Variants in PPARG observed in about 807,000 individuals in gnomAD.
The protein encoded by PPARG is peroxisome proliferator-activated receptor gamma.
A neutral mutation model predicts 39.2 loss-of-function variants in PPARG; 17 were observed. The ratio of observed to expected loss-of-function variants is 0.43; its 90% confidence interval spans 0.30 to 0.65. The LOEUF (loss-of-function observed/expected upper bound fraction) is 0.65. PPARG is among the 30% of genes least tolerant of loss of function. The pLI, the probability that PPARG is intolerant of heterozygous loss-of-function variation, is 0.13. For synonymous variants in PPARG, 223 were observed against 215.7 expected (o/e 1.03, Z -0.30); for missense variants, 406 against 585.9 (o/e 0.69, Z 3.17).
chr3:12,417,988 C>T (rs1373131914), intron 7 of PPARG, among the ~76,000 whole-genome samples: 1 of 140,918 alleles, frequency 7.1e-6, no homozygotes, highest in African/African-American at 2.7e-5. Flanking sequence ...TAGCTCACTG[C>T]AGCTTCTAAC....
intron 6 of PPARG, among the ~76,000 whole-genome samples, chr3:12,414,929 G>A (rs542903876): frequency 4.6e-5 from 7 of 152,244 alleles, no homozygotes; most frequent in African/African-American, 1.7e-4. Flanking sequence ...TTGATGTGAC[G>A]TACAAGTTTG....
intron 2 of PPARG, among the ~76,000 whole-genome samples, chr3:12,352,084 C>G (rs1027090129): frequency 3.3e-5 from 5 of 152,154 alleles, no homozygotes; most frequent in African/African-American, 1.2e-4. Context: ...ATCCCTCTTG[C>G]AGCACTTTTA....
At chr3:12,294,412 TTATATCTTGTATTTCC>T (rs2046725571) in intron 1 of PPARG, among the ~76,000 whole-genome samples, 1 of 152,230 alleles carries the variant, frequency 6.6e-6, no homozygotes, top group African/African-American at 2.4e-5. Context: ...TATCACTTCA[TTATATCTTGTATTTCC>T]TCTGTGATGT....
intron 2 of PPARG, among the ~76,000 whole-genome samples, chr3:12,353,336 G>T (rs554815458): frequency 1.3e-5 from 2 of 152,260 alleles, no homozygotes; most frequent in Middle Eastern, 3.4e-3. Context: ...TGTTAAAAAT[G>T]TGAGCTCCTA....
chr3:12,305,426 G>C lies in PPARG; in HGVS notation c.-82-6954G>C, dbSNP rs577594076. Among the ~76,000 whole-genome samples the C allele has an allele frequency of 2.0e-5, 3 of 152,246 alleles. No homozygotes were observed. In the South Asian group the frequency reaches 6.2e-4, roughly 32 times the overall value. ...TCACTAATCTTCAAATTGGTAGAAG[G>C]AGGTCAGTAGACTTTGACTCATAAA... On this transcript the variant is annotated intron_variant, in intron 1 of 7. Coordinates refer to ENST00000651735, the MANE Select transcript of PPARG (RefSeq NM_138711.6).
intron 2 of PPARG, among the ~76,000 whole-genome samples, chr3:12,345,169 A>G (rs1400098357): frequency 1.3e-5 from 2 of 152,206 alleles, no homozygotes; most frequent in African/African-American, 2.4e-5. Flanking sequence ...AACTTTGTCA[A>G]TAGAAACAAA....
intron 1 of PPARG, among the ~76,000 whole-genome samples, chr3:12,299,982 A>T (rs966435337): frequency 6.6e-6 from 1 of 152,190 alleles, no homozygotes; most frequent in Admixed American, 6.5e-5. Flanking sequence ...TTACTATTTC[A>T]GTTCTGTTTT....
chr3:12,340,595 C>A (rs528622858), intron 2 of PPARG, among the ~76,000 whole-genome samples: 2 of 152,138 alleles, frequency 1.3e-5, no homozygotes, highest in East Asian at 1.9e-4. Flanking sequence ...TAACATCTTA[C>A]TTCCTAGAGG....
In PPARG at chr3:12,433,938, T is replaced by A; in HGVS notation, c.1221T>A (p.Ile407=). 6.2e-7 allele frequency: 1 copy of A among 1,614,204 alleles called. No homozygotes were observed. The highest frequency in any genetic ancestry group is 8.5e-7 in the Non-Finnish European group (1 of 1,180,042). ...TGAATGTGAAGCCCATTGAAGACATTCAAGACAACCTGCTACAAGCCCTGG... is the reference window on the plus strand; with the variant it reads ...TGAATGTGAAGCCCATTGAAGACATACAAGACAACCTGCTACAAGCCCTGG... ...GLLNVKPIED[I]QDNLLQALEL... Residue 407 remains isoleucine, a synonymous_variant, in exon 8 of 8, where the codon ATT becomes ATA. Transcript: ENST00000651735.
intron 1 of PPARG, among the ~76,000 whole-genome samples, chr3:12,299,926 A>T (rs2046885663): frequency 1.3e-5 from 2 of 152,218 alleles, no homozygotes; most frequent in Admixed American, 6.5e-5. Context: ...TATTTTGATC[A>T]AATTACTTAC....
At chr3:12,328,264 G>C (rs1200482644) in intron 2 of PPARG, 2 of 1,504,540 alleles carry the variant, frequency 1.3e-6, no homozygotes, top group South Asian at 1.2e-5. Flanking sequence ...CTGATGGCAC[G>C]AAGGGCCCAG....
At chr3:12,293,727 A>G (rs1024527264) in intron 1 of PPARG, among the ~76,000 whole-genome samples, 1 of 152,202 alleles carries the variant, frequency 6.6e-6, no homozygotes, top group Non-Finnish European at 1.5e-5. Context: ...TAAAGGAGAT[A>G]ATTTGGGCAA....
chr3:12,290,100 A>G (rs1185790703), intron 1 of PPARG, among the ~76,000 whole-genome samples: 1 of 152,158 alleles, frequency 6.6e-6, no homozygotes, highest in Non-Finnish European at 1.5e-5. Context: ...GCTAATAATT[A>G]TGTCTTAAGA....
At chr3:12,396,271 G>A (rs777274410) in intron 5 of PPARG, among the ~76,000 whole-genome samples, 3 of 151,844 alleles carry the variant, frequency 2.0e-5, no homozygotes, top group Admixed American at 6.6e-5. Flanking sequence ...ACAGGTGCCC[G>A]AAACCATACC....
chr3:12,336,624 T>G (rs978771320), intron 2 of PPARG, among the ~76,000 whole-genome samples: 1 of 152,234 alleles, frequency 6.6e-6, no homozygotes, highest in Admixed American at 6.5e-5. Flanking sequence ...GATTCTCCTT[T>G]AGAGTCCTCC....
chr3:12,407,309 T>C (rs551492802), intron 6 of PPARG, among the ~76,000 whole-genome samples: 8 of 152,266 alleles, frequency 5.3e-5, no homozygotes, highest in South Asian at 2.1e-4. Context: ...TGCAGGCGCA[T>C]GCCACCATGC....
At chr3:12,367,573 G>C (rs1289320686) in intron 2 of PPARG, among the ~76,000 whole-genome samples, 1 of 152,038 alleles carries the variant, frequency 6.6e-6, no homozygotes, top group African/African-American at 2.4e-5. Context: ...CATGGGCCAA[G>C]CATAGTGACT....
chr3:12,402,150 A>ATGCC (rs2050498019), intron 5 of PPARG, among the ~76,000 whole-genome samples: 1 of 152,232 alleles, frequency 6.6e-6, no homozygotes, highest in South Asian at 2.1e-4. Flanking sequence ...GCTTAGAACC[A>ATGCC]TGCCTGGCGC....
At chr3:12,396,124 A>T (rs1446024308) in intron 5 of PPARG, among the ~76,000 whole-genome samples, 1 of 151,754 alleles carries the variant, frequency 6.6e-6, no homozygotes, top group African/African-American at 2.4e-5. Flanking sequence ...TTTATTTTTT[A>T]TTATTATTTT....
Sources: gnomAD v4.1 joint callset for allele counts (sites outside exome capture counted in the v4.1 genomes callset) on GRCh38, gnomAD v4.1.1 for gene constraint, MANE v1.5 for transcripts, NCBI Gene and HGNC (gene_info 2026-07-23, HGNC 2026-07-21) for gene names.